Variants in TMEM163 observed in about 807,000 individuals in gnomAD.
TMEM163 encodes the protein transmembrane protein 163.
A neutral mutation model predicts 29.3 loss-of-function variants in TMEM163; 17 were observed. The ratio of observed to expected loss-of-function variants is 0.58; its 90% CI spans 0.40 to 0.87. The LOEUF is 0.87. Ranked by LOEUF, TMEM163 falls within the 40% of genes least tolerant of loss-of-function variation. The pLI is 0.00. For missense variants in TMEM163, 303 were observed against 381.5 expected (o/e 0.79, Z 1.71); for synonymous variants, 157 against 160.6 (o/e 0.98, Z 0.17).
At chr2:134,525,304 G>A (rs1263613245) in intron 4 of TMEM163, among the ~76,000 whole-genome samples, 1 of 152,156 alleles carries the variant, frequency 6.6e-6, no homozygotes, top group Non-Finnish European at 1.5e-5. Context: ...GGTGGGCCTG[G>A]CAGCATGCCC....
At chr2:134,631,853 C>A (rs1294329180) in intron 2 of TMEM163, among the ~76,000 whole-genome samples, 1 of 152,182 alleles carries the variant, frequency 6.6e-6, no homozygotes, top group Non-Finnish European at 1.5e-5. Flanking sequence ...TAATTCCATT[C>A]AGAATAATTC....
chr2:134,528,104 G>A (rs1219384913), intron 4 of TMEM163, among the ~76,000 whole-genome samples: 1 of 152,162 alleles, frequency 6.6e-6, no homozygotes, highest in African/African-American at 2.4e-5. Flanking sequence ...ACACCATCCA[G>A]ATCCTAAATC....
chr2:134,620,032 T>G (rs1256980883), intron 2 of TMEM163, among the ~76,000 whole-genome samples: 7 of 152,114 alleles, frequency 4.6e-5, no homozygotes, highest in African/African-American at 1.7e-4. Context: ...AAGATCTAAA[T>G]AGAAGAGAAA....
intron 4 of TMEM163, among the ~76,000 whole-genome samples, chr2:134,504,388 G>A (rs1679772661): frequency 6.6e-6 from 1 of 152,094 alleles, no homozygotes; most frequent in African/African-American, 2.4e-5. Context: ...GCACAGACTT[G>A]AGCAAATGAA....
At chr2:134,547,089 G>GA (rs1326998855) in intron 4 of TMEM163, among the ~76,000 whole-genome samples, 5 of 152,206 alleles carry the variant, frequency 3.3e-5, no homozygotes, top group South Asian at 2.1e-4. Flanking sequence ...TTTGCAGAAT[G>GA]AAAAAAGTTC....
chr2:134,549,061 A>G (rs1412642152), intron 4 of TMEM163, among the ~76,000 whole-genome samples: 3 of 151,888 alleles, frequency 2.0e-5, no homozygotes, highest in Non-Finnish European at 4.4e-5. Context: ...TTTATCATAA[A>G]TGATATCATC....
At chr2:134,509,896 G>C (rs1415283069) in intron 4 of TMEM163, among the ~76,000 whole-genome samples, 1 of 152,222 alleles carries the variant, frequency 6.6e-6, no homozygotes, top group African/African-American at 2.4e-5. Context: ...AAACTAGAAG[G>C]CTTTGGAGGT....
At chr2:134,621,582 A>G (rs1682735096) in intron 2 of TMEM163, among the ~76,000 whole-genome samples, 1 of 152,186 alleles carries the variant, frequency 6.6e-6, no homozygotes, top group African/African-American at 2.4e-5. Context: ...TCCAAAGTCT[A>G]TCAACTAAAT....
At chr2:134,562,573 C>T (rs1420827496) in intron 2 of TMEM163, among the ~76,000 whole-genome samples, 1 of 152,178 alleles carries the variant, frequency 6.6e-6, no homozygotes, top group Non-Finnish European at 1.5e-5. Flanking sequence ...TGAAAAGTCG[C>T]TTAAGAAACA....
chr2:134,651,287 A>G (rs1267662389), intron 2 of TMEM163, among the ~76,000 whole-genome samples: 1 of 137,930 alleles, frequency 7.3e-6, no homozygotes, highest in Admixed American at 7.1e-5. Context: ...CATTTCTCTG[A>G]TGGCCAGTGA....
At chr2:134,592,784 G>C (rs552166139) in intron 2 of TMEM163, among the ~76,000 whole-genome samples, 1 of 151,230 alleles carries the variant, frequency 6.6e-6, no homozygotes, top group African/African-American at 2.4e-5. Flanking sequence ...TAGAGATACA[G>C]ATATTAATAT....
At position 134,644,226 on chromosome 2, in the gene TMEM163, C is replaced by T. The variant is rs557819052; in HGVS notation, c.322+68974G>A. On this transcript the variant is annotated intron_variant, in intron 2 of 7. Coordinates refer to ENST00000281924, the MANE Select transcript of TMEM163 (RefSeq NM_030923.5). ...AGATTTAAGAAAAGGCCATTGAATTCCAGAGAGATTTTTTTTCTAGATATA... is the reference window on the plus strand; with the variant it reads ...AGATTTAAGAAAAGGCCATTGAATTTCAGAGAGATTTTTTTTCTAGATATA... Among the ~76,000 whole-genome samples, 20 of 152,052 alleles carry T rather than the reference C, an allele frequency of 1.3e-4. No individual in the cohort carries two copies. The South Asian group carries it at 2.7e-3, about 21-fold the overall frequency.
At chr2:134,474,817 T>C (rs2106477505) in intron 5 of TMEM163, among the ~76,000 whole-genome samples, 1 of 152,274 alleles carries the variant, frequency 6.6e-6, no homozygotes, top group South Asian at 2.1e-4. Flanking sequence ...ACCTGTGCAC[T>C]GAAAACTACA....
At chr2:134,618,098 A>G (rs1408726228) in intron 2 of TMEM163, among the ~76,000 whole-genome samples, 1 of 152,176 alleles carries the variant, frequency 6.6e-6, no homozygotes, top group Non-Finnish European at 1.5e-5. Context: ...TGGGTAACAG[A>G]GTGAGACCCT....
intron 2 of TMEM163, among the ~76,000 whole-genome samples, chr2:134,687,822 C>T (rs1684380572): frequency 6.6e-6 from 1 of 152,146 alleles, no homozygotes; most frequent in South Asian, 2.1e-4. Context: ...CATGGGATGA[C>T]ATAAAAGTAT....
rs550064143 is a variant in TMEM163, at chr2:134,718,184, C to T, written c.202+550G>A. Among the ~76,000 whole-genome samples the T allele has an allele frequency of 5.3e-5, 8 of 152,356 alleles. No individual in the cohort carries two copies. In the South Asian group the frequency reaches 1.4e-3, roughly 28 times the overall value. ...TCCGCGATTAGAATCGGGGACTGCC[C>T]GAGACCAGAGGCCGCCCGAGTCCCG... On this transcript the variant is annotated intron_variant, in intron 1 of 7. Transcript: ENST00000281924.
chr2:134,509,073 G>C (rs1423914540), intron 4 of TMEM163, among the ~76,000 whole-genome samples: 1 of 152,140 alleles, frequency 6.6e-6, no homozygotes, highest in Non-Finnish European at 1.5e-5. Flanking sequence ...CTACTTTAGG[G>C]ACAAAAGTCA....
At chr2:134,467,532 A>T (rs1474302099) in intron 5 of TMEM163, 2 of 152,222 alleles carry the variant, frequency 1.3e-5, no homozygotes, top group Non-Finnish European at 2.9e-5. Context: ...CTGCGAAACA[A>T]CATCAAACAA....
intron 5 of TMEM163, among the ~76,000 whole-genome samples, chr2:134,489,186 C>G (rs547606612): frequency 1.3e-5 from 2 of 152,282 alleles, no homozygotes; most frequent in East Asian, 3.9e-4. Context: ...ACCCAAATGT[C>G]CATCAACCAG....
Sources: gnomAD v4.1 joint callset for allele counts (sites outside exome capture counted in the v4.1 genomes callset) on GRCh38, gnomAD v4.1.1 for gene constraint, MANE v1.5 for transcripts, NCBI Gene and HGNC (gene_info 2026-07-23, HGNC 2026-07-21) for gene names.